BSN: variants seen among roughly 807,000 people sequenced by gnomAD.
BSN encodes protein bassoon.
In BSN, 57 loss-of-function variants were observed where a neutral mutation model predicts 264.8. The ratio of observed to expected loss-of-function variants is 0.22; its 90% CI spans 0.17 to 0.27. BSN has a LOEUF of 0.27. Among genes scored for constraint, BSN ranks in the 10% least tolerant of loss-of-function variants. The pLI, the probability that BSN is intolerant of heterozygous loss-of-function variation, is 1.00. For synonymous variants in BSN, 2,059 were observed against 2,137.3 expected (o/e 0.96, Z 1.01); for missense variants, 4,615 against 5,232.5 (o/e 0.88, Z 3.64).
intron 2 of BSN, among the ~76,000 whole-genome samples, chr3:49,631,376 C>T (rs957188916): frequency 4.0e-5 from 6 of 151,662 alleles, no homozygotes; most frequent in African/African-American, 7.3e-5. Context: ...GGCAACATGG[C>T]GAAACCCCAT....
chr3:49,606,083 AT>A lies in BSN; in HGVS notation c.225-18886del, dbSNP rs1251761177. Among the ~76,000 whole-genome samples, 523 of 80,724 alleles carry A rather than the reference AT, an allele frequency of 6.5e-3. 17 individuals are homozygous for A. The highest frequency in any genetic ancestry group is 0.026 in the African/African-American group (503 of 19,482). 53.0% of individuals were successfully genotyped at this position (80,724 alleles called of 152,430 possible). On this transcript the variant is annotated intron_variant, in intron 1 of 11. Coordinates refer to ENST00000296452, the MANE Select transcript of BSN (RefSeq NM_003458.4). Reference sequence around the variant, plus strand: ...TAAATATATTATATAAAAATATATAATTTTTTATATATAACATATAATATAT... The same window carrying A: ...TAAATATATTATATAAAAATATATAATTTTTATATATAACATATAATATAT...
chr3:49,661,203 G>A lies in BSN; in HGVS notation c.9358G>A (p.Gly3120Ser). The A allele has an allele frequency of 1.9e-6, 3 of 1,613,648 alleles. No homozygotes were observed. Among genetic ancestry groups the A allele is most frequent in the Non-Finnish European group, 2.5e-6 (3 of 1,180,030 alleles). ...QAFRPTGHYA[G>S]QTPMPTTQST... Reference sequence around the variant, plus strand: ...TTTCCGCCCCACAGGCCACTATGCAGGCCAAACACCCATGCCAACCACACA... The same window carrying A: ...TTTCCGCCCCACAGGCCACTATGCAAGCCAAACACCCATGCCAACCACACA... The change falls in exon 6 of 12, where the codon GGC becomes AGC. Residue 3120 changes from glycine to serine, a missense_variant. Around this residue, in one of 3 missense-constraint regions of BSN, gnomAD observed 3,415 missense variants for 3,866.4 expected, o/e 0.88. Transcript: ENST00000296452.
intron 2 of BSN, among the ~76,000 whole-genome samples, chr3:49,630,820 G>C (rs921018285): frequency 1.3e-5 from 2 of 152,190 alleles, no homozygotes; most frequent in Non-Finnish European, 2.9e-5. Flanking sequence ...AGTGGAAGAA[G>C]GCACAAGAAG....
In BSN at chr3:49,653,692, G is replaced by C. The variant is rs200304035; in HGVS notation, c.4136G>C (p.Gly1379Ala). The change falls in exon 5 of 12, where the codon GGG (glycine) becomes GCG (alanine). Residue 1379 changes from glycine to alanine, a missense_variant. Around this residue, in one of 3 missense-constraint regions of BSN, gnomAD observed 3,415 missense variants for 3,866.4 expected, o/e 0.88. Transcript: ENST00000296452. This position sits in a 1 kb window ranked among gnomAD's most constrained non-coding sequence, Gnocchi z 6.3. ...GGCATGCCCTTTTCCCAGGGCCCTG[G>C]GACCCCAGCCACCACAGCTGTGGCT... Reference protein sequence around the residue: ...EIGMPFSQGPGTPATTAVAPC... With the variant: ...EIGMPFSQGPATPATTAVAPC... 110 of 1,613,644 alleles carry C rather than the reference G, an allele frequency of 6.8e-5. No individual in the cohort carries two copies. The highest frequency in any genetic ancestry group is 9.2e-5 in the Non-Finnish European group (109 of 1,179,890).
downstream of BSN, among the ~76,000 whole-genome samples, chr3:49,672,863 T>G (rs1430627507): frequency 6.9e-6 from 1 of 145,422 alleles, no homozygotes; most frequent in African/African-American, 2.6e-5. Context: ...CACTGCAAGC[T>G]CCGCCTCCCG....
chr3:49,594,091 C>T (rs541833379), intron 1 of BSN, among the ~76,000 whole-genome samples: 6 of 152,156 alleles, frequency 3.9e-5, no homozygotes, highest in East Asian at 1.9e-4. Flanking sequence ...CACGCCCGGC[C>T]GCTAGATACT....
At chr3:49,609,765 C>T (rs2052189578) in intron 1 of BSN, among the ~76,000 whole-genome samples, 1 of 152,182 alleles carries the variant, frequency 6.6e-6, no homozygotes, top group Non-Finnish European at 1.5e-5. Context: ...GAGTGAGACT[C>T]CTAAGCAGGG....
rs2052475920 is a variant in BSN at position 49,642,888 on chromosome 3, T to C, written c.1254T>C (p.Ala418=). 6.2e-7 allele frequency: 1 copy of C among 1,613,696 alleles called. No individual in the cohort carries two copies. Among genetic ancestry groups the C allele is most frequent in the Non-Finnish European group, 8.5e-7 (1 of 1,179,960 alleles). The part of the protein sequence containing the change: ...PAPGAKTEPG[A]RMGPGSGPGA... Reference sequence around the variant, plus strand: ...CTGGAGCCAAAACTGAGCCTGGGGCTAGAATGGGTCCTGGATCTGGACCTG... The same window carrying C: ...CTGGAGCCAAAACTGAGCCTGGGGCCAGAATGGGTCCTGGATCTGGACCTG... The change falls in exon 3 of 12, where the codon GCT becomes GCC. Residue 418 remains alanine, a synonymous_variant. Coordinates refer to ENST00000296452, the MANE Select transcript of BSN (RefSeq NM_003458.4). The surrounding 1 kb of genome is among the most constrained non-coding windows in gnomAD (Gnocchi z 7.0).
At chr3:49,592,449 G>C (rs1211215537) in intron 1 of BSN, among the ~76,000 whole-genome samples, 1 of 150,346 alleles carries the variant, frequency 6.7e-6, no homozygotes, top group Non-Finnish European at 1.5e-5. Flanking sequence ...TTCACATGCA[G>C]CTGTAAGAAA....
chr3:49,603,145 G>C (rs1300180783), intron 1 of BSN, among the ~76,000 whole-genome samples: 1 of 150,584 alleles, frequency 6.6e-6, no homozygotes, highest in Non-Finnish European at 1.5e-5. Flanking sequence ...TCCACTGCTG[G>C]CCCCTCAAGG....
intron 2 of BSN, among the ~76,000 whole-genome samples, chr3:49,631,730 G>A (rs1002249044): frequency 6.6e-6 from 1 of 152,184 alleles, no homozygotes; most frequent in African/African-American, 2.4e-5. Context: ...CACAGGACAG[G>A]ACCAGAAGGC....
chr3:49,605,199 G>A (rs1213422357), intron 1 of BSN, among the ~76,000 whole-genome samples: 1 of 140,848 alleles, frequency 7.1e-6, no homozygotes, highest in Non-Finnish European at 1.5e-5. Context: ...GGTGGAGGTT[G>A]CAGTGGAGAC....
chr3:49,627,288 A>G lies in BSN; in HGVS notation c.633+1905A>G, dbSNP rs2052348104. On this transcript the variant is annotated intron_variant, in intron 2 of 11. Coordinates refer to ENST00000296452, the MANE Select transcript of BSN (RefSeq NM_003458.4). ...ATCTTAGGAGCTGCTGTTCCATGGC[A>G]CCCAGTTTGGGAATTGCTGACCTGG... 2.0e-5 allele frequency among the ~76,000 whole-genome samples: 3 copies of G among 152,110 alleles called. 1 individual carries two copies. The highest frequency in any genetic ancestry group is 4.4e-5 in the Non-Finnish European group (3 of 68,032).
chr3:49,653,194 G>A lies in BSN; in HGVS notation c.3638G>A (p.Gly1213Asp), dbSNP rs35762866. The A allele has an allele frequency of 0.1, 167,728 of 1,610,814 alleles. 9,980 individuals carry two copies. Among genetic ancestry groups the A allele is most frequent in the Non-Finnish European group, 0.12 (144,396 of 1,179,264 alleles). ...GCAGCAGGGGCCCGGGGACCCCATG[G>A]CGGCCCCTCTCAGCCCACAGGCCCC... Reference protein sequence around the residue: ...GQAAGARGPHGGPSQPTGPRG... With the variant: ...GQAAGARGPHDGPSQPTGPRG... Residue 1213 changes from glycine to aspartate, a missense_variant, in exon 5 of 12, where the codon GGC becomes GAC. Coordinates refer to ENST00000296452, the MANE Select transcript of BSN (RefSeq NM_003458.4). This position sits in a 1 kb window ranked among gnomAD's most constrained non-coding sequence, Gnocchi z 6.3.
At chr3:49,595,879 A>G (rs1044398390) in intron 1 of BSN, among the ~76,000 whole-genome samples, 1 of 152,172 alleles carries the variant, frequency 6.6e-6, no homozygotes. Context: ...CAATTATGTC[A>G]TCTGCAAATA....
At chr3:49,667,435 C>T (rs1483895148) in intron 11 of BSN, among the ~76,000 whole-genome samples, 155 bp from the exon 12 acceptor site, 1 of 152,192 alleles carries the variant, frequency 6.6e-6, no homozygotes, top group African/African-American at 2.4e-5. Flanking sequence ...TCTCCCCAAG[C>T]CTGAGTGGCA....
rs377228749 is a variant in BSN at position 49,663,450 on chromosome 3, C to T, written c.11292C>T (p.Ser3764=). 6.2e-7 allele frequency: 1 copy of T among 1,613,036 alleles called. No individual in the cohort carries two copies. The highest frequency in any genetic ancestry group is 8.5e-7 in the Non-Finnish European group (1 of 1,180,008). The change falls in exon 7 of 12, where the codon TCC becomes TCT. Residue 3764 remains serine, a synonymous_variant. Coordinates refer to ENST00000296452, the MANE Select transcript of BSN (RefSeq NM_003458.4). ...PGPQQSQSPS[S]RQIPSGAASR... is the part of the protein sequence containing the mutation. The stretch of plus-strand genomic sequence containing the variant: ...CACAGCAGTCACAGTCACCATCATC[C>T]AGGCAAATACCCTCTGGGGCAGCAT...
At chr3:49,579,823 C>A (rs1222505437) in intron 1 of BSN, among the ~76,000 whole-genome samples, 2 of 7,574 alleles carry the variant, frequency 2.6e-4, no homozygotes, top group African/African-American at 4.2e-4. Context: ...ATGCTTTCTG[C>A]ATCTATCAAG....
chr3:49,557,752 T>C (rs1230056168), intron 1 of BSN, among the ~76,000 whole-genome samples: 3 of 152,210 alleles, frequency 2.0e-5, no homozygotes, highest in Non-Finnish European at 4.4e-5. Context: ...TAATTTTTTG[T>C]ACTTTTAGTA....
Sources: allele counts gnomAD v4.1 joint callset (sites outside exome capture counted in the v4.1 genomes callset), GRCh38; gene constraint gnomAD v4.1.1; regional missense constraint gnomAD v4.1.1; non-coding constraint Gnocchi (gnomAD v3.1); transcripts MANE v1.5; gene names NCBI Gene and HGNC (gene_info 2026-07-23, HGNC 2026-07-21).